The following ZBTB16 variants were observed in gnomAD, a reference collection of about 807,000 sequenced individuals.
ZBTB16 encodes the protein zinc finger and BTB domain-containing protein 16.
Under a neutral mutation model 56.8 loss-of-function variants are expected in ZBTB16, and 8 were observed. The observed-to-expected ratio is 0.14, with a 90% confidence interval of 0.08 to 0.25. The LOEUF is 0.25. ZBTB16 is among the 10% of genes least tolerant of loss of function. The pLI, the probability that ZBTB16 is intolerant of heterozygous loss-of-function variation, is 1.00. For synonymous variants in ZBTB16, 363 were observed against 368.5 expected (o/e 0.98, Z 0.17); for missense variants, 625 against 903.0 (o/e 0.69, Z 3.95).
chr11:114,232,170 G>A (rs1435939038), intron 4 of ZBTB16, among the ~76,000 whole-genome samples: 1 of 152,160 alleles, frequency 6.6e-6, no homozygotes, highest in Non-Finnish European at 1.5e-5. Context: ...CTGAATTCGA[G>A]ACCAAGGGAC....
intron 2 of ZBTB16, among the ~76,000 whole-genome samples, chr11:114,080,530 T>C (rs61299294): frequency 2.0e-3 from 298 of 152,274 alleles, no homozygotes; most frequent in African/African-American, 6.4e-3. Context: ...GTCATTCCCA[T>C]TGAAACCATT....
chr11:114,059,838 C>T lies in ZBTB16; in HGVS notation c.-135C>T, dbSNP rs926913710. ...CCTCCCCGACACAGGCACACACCCC[C>T]CGACAGGCACGCACACCCACCCCAC... On this transcript the variant is annotated 5_prime_UTR_variant, in exon 1 of 7. Transcript: ENST00000335953. The surrounding 1 kb of genome is among the most constrained non-coding windows in gnomAD (Gnocchi z 5.3). The T allele has an allele frequency of 3.3e-5, 13 of 398,062 alleles. No homozygotes were observed. The East Asian group carries it at 4.3e-4, about 13-fold the overall frequency. 24.7% of individuals were successfully genotyped at this position (398,062 alleles called of 1,614,324 possible).
At chr11:114,151,377 C>T (rs928033893) in intron 2 of ZBTB16, among the ~76,000 whole-genome samples, 5 of 152,190 alleles carry the variant, frequency 3.3e-5, no homozygotes, top group African/African-American at 1.2e-4. Flanking sequence ...ACAAGGACAA[C>T]ATCGTCTTAT....
chr11:114,127,954 T>C (rs898832134), intron 2 of ZBTB16, among the ~76,000 whole-genome samples: 1 of 152,120 alleles, frequency 6.6e-6, no homozygotes, highest in African/African-American at 2.4e-5. Flanking sequence ...GCTAGAGTCT[T>C]GGCACTGAGA....
At chr11:114,175,446 T>G (rs1193082031) in intron 3 of ZBTB16, among the ~76,000 whole-genome samples, 1 of 152,180 alleles carries the variant, frequency 6.6e-6, no homozygotes. Flanking sequence ...CCCCCCATTT[T>G]ATACATGTGC....
chr11:114,177,644 C>G (rs375215591), intron 3 of ZBTB16, among the ~76,000 whole-genome samples: 11 of 152,216 alleles, frequency 7.2e-5, no homozygotes, highest in African/African-American at 2.6e-4. Flanking sequence ...TTCATCACAG[C>G]AGGGACTGAC....
intron 2 of ZBTB16, among the ~76,000 whole-genome samples, chr11:114,134,941 T>G (rs1439992749): frequency 6.6e-6 from 1 of 152,246 alleles, no homozygotes; most frequent in Non-Finnish European, 1.5e-5. Flanking sequence ...TGGGATTATT[T>G]GGCCCTAGGA....
At chr11:114,228,544 T>C (rs1334902650) in intron 4 of ZBTB16, among the ~76,000 whole-genome samples, 7 of 152,234 alleles carry the variant, frequency 4.6e-5, no homozygotes, top group Non-Finnish European at 8.8e-5. Context: ...TTCCGTGGAC[T>C]CCAGGTTAAG....
chr11:114,092,444 A>T (rs1940228169), intron 2 of ZBTB16, among the ~76,000 whole-genome samples: 1 of 152,106 alleles, frequency 6.6e-6, no homozygotes, highest in Non-Finnish European at 1.5e-5. Context: ...GAGCAAAGTG[A>T]TTCCTCTCTT....
chr11:114,167,234 T>TTTG (rs1942791151), intron 3 of ZBTB16, among the ~76,000 whole-genome samples: 6 of 91,714 alleles, frequency 6.5e-5, no homozygotes, highest in South Asian at 3.1e-4. Context: ...TTTTTTTGGT[T>TTTG]TTTTTTTTTT....
chr11:114,226,024 G>C (rs1219583379), intron 4 of ZBTB16, among the ~76,000 whole-genome samples: 2 of 152,194 alleles, frequency 1.3e-5, no homozygotes, highest in Non-Finnish European at 2.9e-5. Flanking sequence ...TTTGAACCCA[G>C]GTGTGGTCTG....
At chr11:114,109,949 C>T (rs537018546) in intron 2 of ZBTB16, among the ~76,000 whole-genome samples, 99 of 152,250 alleles carry the variant, frequency 6.5e-4, no homozygotes, top group Middle Eastern at 3.4e-3. Flanking sequence ...ATAGAGCAGA[C>T]GGGGGCCACA....
intron 2 of ZBTB16, among the ~76,000 whole-genome samples, chr11:114,102,445 TCATCATCAC>T (rs1940644242): frequency 6.6e-6 from 1 of 152,144 alleles, no homozygotes; most frequent in Non-Finnish European, 1.5e-5. Flanking sequence ...GGTTTGTCAT[TCATCATCAC>T]TCTTCTCCTT....
intron 4 of ZBTB16, among the ~76,000 whole-genome samples, chr11:114,220,360 G>A: frequency 6.6e-6 from 1 of 152,186 alleles, no homozygotes. Context: ...TGTGTGCAAT[G>A]CATGCATGTG....
At position 114,247,249 on chromosome 11, in the gene ZBTB16, G is replaced by A; in HGVS notation, c.1676G>A (p.Ser559Asn). Residue 559 changes from serine to asparagine, a missense_variant, in exon 6 of 7, where the codon AGC (serine) becomes AAC (asparagine). Ser to Asn is a conservative substitution (Grantham distance 46). Around this residue, in one of 6 missense-constraint regions of ZBTB16, gnomAD observed 140 missense variants for 214.8 expected, o/e 0.65. Transcript: ENST00000335953. Reference sequence around the variant, plus strand: ...TGTGGCAGCTGCTTCCGGGATGAGAGCACACTCAAGAGCCACAAACGCATC... The same window carrying A: ...TGTGGCAGCTGCTTCCGGGATGAGAACACACTCAAGAGCCACAAACGCATC... ...EFCGSCFRDE[S>N]TLKSHKRIHT... 1.9e-6 allele frequency: 3 copies of A among 1,614,250 alleles called. No homozygotes were observed. Among genetic ancestry groups the A allele is most frequent in the Non-Finnish European group, 2.5e-6 (3 of 1,180,048 alleles).
At chr11:114,145,690 G>T (rs1032283492) in intron 2 of ZBTB16, among the ~76,000 whole-genome samples, 1 of 152,164 alleles carries the variant, frequency 6.6e-6, no homozygotes, top group South Asian at 2.1e-4. Context: ...TCTTTTCAGG[G>T]TGATGAAAAT....
chr11:114,075,889 C>T (rs186208389), intron 2 of ZBTB16, among the ~76,000 whole-genome samples: 2 of 152,202 alleles, frequency 1.3e-5, no homozygotes, highest in Non-Finnish European at 2.9e-5. Flanking sequence ...TTAAGTTGTT[C>T]GTTTTCTTTT....
chr11:114,214,928 G>A (rs968663090), intron 4 of ZBTB16, among the ~76,000 whole-genome samples: 2 of 151,950 alleles, frequency 1.3e-5, no homozygotes, highest in South Asian at 2.1e-4. Flanking sequence ...AGTGATGATG[G>A]CAGAAAGTCT....
chr11:114,130,103 C>T (rs915770898), intron 2 of ZBTB16, among the ~76,000 whole-genome samples: 1 of 152,172 alleles, frequency 6.6e-6, no homozygotes, highest in African/African-American at 2.4e-5. Context: ...CTTTCACTTA[C>T]GAAAAGTTTC....
Sources: gnomAD v4.1 joint callset for allele counts (sites outside exome capture counted in the v4.1 genomes callset) on GRCh38, gnomAD v4.1.1 for gene constraint, gnomAD v4.1.1 regional missense constraint, Gnocchi (gnomAD v3.1) non-coding constraint, MANE v1.5 for transcripts, NCBI Gene and HGNC (gene_info 2026-07-23, HGNC 2026-07-21) for gene names.